Variants in PDCD2L observed in about 807,000 individuals in gnomAD.
PDCD2L encodes the protein programmed cell death 2 like, also known as uS5 assembly chaperone PDCD2L.
In PDCD2L, 44 loss-of-function variants were observed where a neutral mutation model predicts 40.4. The ratio of observed to expected loss-of-function variants is 1.09; its 90% confidence interval spans 0.86 to 1.40. PDCD2L has a LOEUF of 1.40. Ranked by LOEUF, PDCD2L falls within the 40% of genes most tolerant of loss-of-function variation. PDCD2L has a pLI of 0.00. For synonymous variants in PDCD2L, 194 were observed against 174.6 expected (o/e 1.11, Z -0.88); for missense variants, 470 against 453.7 (o/e 1.04, Z -0.33).
At chr19:34,425,877 T>G (rs2075174699) in intron 6 of PDCD2L, 113 bp from the exon 7 acceptor site, 1 of 1,050,300 alleles carries the variant, frequency 9.5e-7, no homozygotes. Context: ...CAGTAAGCAC[T>G]GTTTTTGCTT....
At chr19:34,413,912 A>T in intron 5 of PDCD2L, 65 bp downstream of exon 5, 1 of 1,038,796 alleles carries the variant, frequency 9.6e-7, no homozygotes, top group Non-Finnish European at 1.4e-6. Flanking sequence ...ATTAGTTTGG[A>T]AAACACAGGA....
chr19:34,404,888 G>GT (rs1445444911), intron 2 of PDCD2L, 42 bp from the exon 3 acceptor site: 1 of 1,612,326 alleles, frequency 6.2e-7, no homozygotes, highest in African/African-American at 1.3e-5. Context: ...GCGGGCTGGA[G>GT]TCGGGGTGCA....
rs1371218422 is a variant in PDCD2L at position 34,411,159 on chromosome 19, CTTCT to C, written c.686+1652_686+1655del. 5.0e-3 allele frequency among the ~76,000 whole-genome samples: 426 copies of C among 85,618 alleles called. 3 individuals carry two copies. The highest frequency in any genetic ancestry group is 0.018 in the African/African-American group (405 of 21,898). 56.2% of individuals were successfully genotyped at this position (85,618 alleles called of 152,430 possible). The stretch of plus-strand genomic sequence containing the variant: ...GTGGGTTTCTTCAGACTAGAGTATT[CTTCT>C]TTTTTTTTTTTTTTTTTTTAGAGAT... On this transcript the variant is annotated intron_variant, in intron 4 of 6. Transcript: ENST00000246535.
chr19:34,415,151 C>T (rs1353005190), intron 5 of PDCD2L, among the ~76,000 whole-genome samples: 1 of 151,996 alleles, frequency 6.6e-6, no homozygotes, highest in Non-Finnish European at 1.5e-5. Context: ...GATGGAGTCT[C>T]GCCCTGCCAC....
Position 34,407,418 on chromosome 19 carries a change from C to T in PDCD2L, c.337-1743C>T, listed in dbSNP as rs1212320861. 5.3e-5 allele frequency among the ~76,000 whole-genome samples: 8 copies of T among 152,198 alleles called. No homozygotes were observed. In the East Asian group the frequency reaches 7.7e-4, roughly 15 times the overall value. On this transcript the variant is annotated intron_variant, in intron 3 of 6. Coordinates refer to ENST00000246535, the MANE Select transcript of PDCD2L (RefSeq NM_032346.2). ...CTTCCTGAGGTGCTGGGATTACAGG[C>T]GTGAGCCACCACACCTGGCCACTCC...
At chr19:34,411,428 A>G (rs1216887036) in intron 4 of PDCD2L, among the ~76,000 whole-genome samples, 1 of 151,356 alleles carries the variant, frequency 6.6e-6, no homozygotes, top group African/African-American at 2.4e-5. Flanking sequence ...TCTTTTTAGT[A>G]GAGATGGGCT....
intron 4 of PDCD2L, among the ~76,000 whole-genome samples, chr19:34,412,581 G>A (rs2075108653): frequency 6.6e-6 from 1 of 151,920 alleles, no homozygotes; most frequent in Non-Finnish European, 1.5e-5. Flanking sequence ...AGCTGGACGT[G>A]TTGGCGCACA....
Position 34,404,496 on chromosome 19 carries a change from A to G in PDCD2L, c.66A>G (p.Thr22=). ...LRDAPVHGSP[T]GPGAWTASKL... ...ATGCGCCGGTGCACGGCAGCCCCAC[A>G]GGGCCGGGTGCCTGGACTGCTAGCA... Residue 22 remains threonine, a synonymous_variant, in exon 1 of 7, where the codon ACA becomes ACG. Transcript: ENST00000246535. 2 of 1,543,262 alleles carry G rather than the reference A, an allele frequency of 1.3e-6. No individual in the cohort carries two copies. Among genetic ancestry groups the G allele is most frequent in the Non-Finnish European group, 1.7e-6 (2 of 1,146,916 alleles).
intron 6 of PDCD2L, among the ~76,000 whole-genome samples, chr19:34,425,549 GTTTT>G (rs1036324350): frequency 2.0e-5 from 3 of 151,316 alleles, no homozygotes; most frequent in East Asian, 1.9e-4. Context: ...TTGTTTGTTT[GTTTT>G]GTTTTTTGTA....
chr19:34,415,551 T>G (rs757240637), intron 5 of PDCD2L, among the ~76,000 whole-genome samples: 7 of 152,180 alleles, frequency 4.6e-5, no homozygotes, highest in Non-Finnish European at 8.8e-5. Flanking sequence ...AATAGCCACA[T>G]AGTAAAAACA....
chr19:34,413,674 C>G, intron 4 of PDCD2L, 63 bp from the exon 5 acceptor site: 3 of 1,016,730 alleles, frequency 3.0e-6, no homozygotes, highest in South Asian at 2.8e-5. Flanking sequence ...CTTGTTTTGT[C>G]TTGCAAATGC....
At chr19:34,406,866 C>CTTGTT (rs2075078827) in intron 3 of PDCD2L, among the ~76,000 whole-genome samples, 1 of 106,562 alleles carries the variant, frequency 9.4e-6, no homozygotes. Context: ...GAGTTTCGCT[C>CTTGTT]TTGTTGCCCA....
intron 3 of PDCD2L, among the ~76,000 whole-genome samples, chr19:34,406,390 T>C (rs2075075633): frequency 7.0e-6 from 1 of 143,688 alleles, no homozygotes; most frequent in Non-Finnish European, 1.6e-5. Context: ...ATACTCTTAT[T>C]TTTTTTTTTT....
In PDCD2L at chr19:34,413,764, T is replaced by A; in HGVS notation, c.714T>A (p.Tyr238Ter). Residue 238 changes from tyrosine to a stop codon, truncating the protein, a stop_gained, in exon 5 of 7, where the codon TAT (tyrosine) becomes TAA (stop). Coordinates refer to ENST00000246535, the MANE Select transcript of PDCD2L (RefSeq NM_032346.2). LOFTEE classifies it high-confidence loss of function. ...QSLPNDGDEKYEKTIIKSGDQ... is the reference protein window; with the variant it reads ...QSLPNDGDEK The stretch of plus-strand genomic sequence containing the variant: ...TTCCTAATGATGGTGATGAAAAATA[T>A]GAGAAGACCATAATTAAAAGTGGAG... 6.2e-7 allele frequency: 1 copy of A among 1,602,004 alleles called. No individual in the cohort carries two copies. The highest frequency in any genetic ancestry group is 1.1e-5 in the South Asian group (1 of 89,468).
chr19:34,405,864 C>T (rs1422811967), intron 3 of PDCD2L, among the ~76,000 whole-genome samples: 2 of 151,990 alleles, frequency 1.3e-5, no homozygotes, highest in Admixed American at 6.6e-5. Context: ...TGAGATCATG[C>T]CACTGCACTC....
At position 34,407,411 on chromosome 19, in the gene PDCD2L, T is replaced by A. The variant is rs1383564337; in HGVS notation, c.337-1750T>A. Among the ~76,000 whole-genome samples the A allele has an allele frequency of 5.3e-5, 8 of 152,226 alleles. 1 individual carries two copies. Among genetic ancestry groups the A allele is most frequent in the Non-Finnish European group, 1.2e-4 (8 of 68,034 alleles). ...GCCTTGGCTTCCTGAGGTGCTGGGA[T>A]TACAGGCGTGAGCCACCACACCTGG... is the stretch of plus-strand genomic sequence containing the variant. On this transcript the variant is annotated intron_variant, in intron 3 of 6. Coordinates refer to ENST00000246535, the MANE Select transcript of PDCD2L (RefSeq NM_032346.2).
Position 34,421,504 on chromosome 19 carries a change from GT to G in PDCD2L, c.798-12del. On this transcript the variant is annotated splice_polypyrimidine_tract_variant and intron_variant, in intron 5 of 6. Transcript: ENST00000246535. ...GTGTGGCTCTGATTCGGGGTTCTTT[GT>G]TTCCTTGTCCTAGGTATTCCTGGAG... 1 of 1,613,078 alleles carries G rather than the reference GT, an allele frequency of 6.2e-7. No individual in the cohort carries two copies. The highest frequency in any genetic ancestry group is 8.5e-7 in the Non-Finnish European group (1 of 1,179,420).
chr19:34,421,409 C>A, intron 5 of PDCD2L, 110 bp from the exon 6 acceptor site: 1 of 1,298,798 alleles, frequency 7.7e-7, no homozygotes, highest in Non-Finnish European at 1.1e-6. Context: ...GGTTTTTGGG[C>A]CTCTGGGAGA....
At chr19:34,416,809 C>A (rs1342898226) in intron 5 of PDCD2L, among the ~76,000 whole-genome samples, 1 of 152,070 alleles carries the variant, frequency 6.6e-6, no homozygotes, top group Non-Finnish European at 1.5e-5. Flanking sequence ...GGCTCAAGAA[C>A]CAAGTCTGCC....
Sources: gnomAD v4.1 joint callset for allele counts (sites outside exome capture counted in the v4.1 genomes callset) on GRCh38, gnomAD v4.1.1 for gene constraint, MANE v1.5 for transcripts, NCBI Gene and HGNC (gene_info 2026-07-23, HGNC 2026-07-21) for gene names.